The following GPC5 variants were observed in gnomAD, a reference collection of about 807,000 sequenced individuals.
The protein encoded by GPC5 is glypican 5, also known as glypican-5.
Under a neutral mutation model 53.9 loss-of-function variants are expected in GPC5, and 47 were observed. That is an observed-to-expected ratio of 0.87 (90% CI 0.69 to 1.11). GPC5 has a LOEUF of 1.11. Among genes scored for constraint, GPC5 ranks in the 50% most tolerant of loss-of-function variants. The probability of loss-of-function intolerance (pLI) is 0.00; values close to 1 mark genes in which losing one functional copy is unlikely to be tolerated. For missense variants in GPC5, 748 were observed against 713.1 expected, an observed-to-expected ratio of 1.05 and a Z score of -0.56; for synonymous variants, 286 against 263.3, an observed-to-expected ratio of 1.09 and a Z score of -0.84.
chr13:92,287,569 G>T (rs2139178748), intron 7 of GPC5, among the ~76,000 whole-genome samples: 2 of 152,108 alleles, frequency 1.3e-5, no homozygotes, highest in Admixed American at 1.3e-4. Flanking sequence ...GTTTTATCTT[G>T]ATGAATCAGT....
At chr13:91,826,111 A>C (rs1566287925) in intron 5 of GPC5, among the ~76,000 whole-genome samples, 1 of 151,900 alleles carries the variant, frequency 6.6e-6, no homozygotes, top group Non-Finnish European at 1.5e-5. Context: ...GTTGAAAATA[A>C]TAAAAAATAT....
intron 7 of GPC5, among the ~76,000 whole-genome samples, chr13:92,371,308 G>T (rs1362303896): frequency 6.6e-6 from 1 of 152,120 alleles, no homozygotes; most frequent in East Asian, 1.9e-4. Flanking sequence ...TTTATCCTCT[G>T]CTGTTATTTC....
intron 7 of GPC5, among the ~76,000 whole-genome samples, chr13:92,548,988 A>C (rs896732422): frequency 1.3e-5 from 2 of 152,186 alleles, no homozygotes; most frequent in Admixed American, 1.3e-4. Flanking sequence ...TTTAGAGATA[A>C]GCATTTAGAA....
At chr13:92,842,655 G>GTTTTTTTTT (rs11331842) in intron 7 of GPC5, among the ~76,000 whole-genome samples, 1 of 140,666 alleles carries the variant, frequency 7.1e-6, no homozygotes, top group Non-Finnish European at 1.6e-5. Context: ...ATACATAATT[G>GTTTTTTTTT]TTTTTTTTTT....
At chr13:91,774,539 G>A (rs781571890) in intron 5 of GPC5, among the ~76,000 whole-genome samples, 3 of 152,202 alleles carry the variant, frequency 2.0e-5, no homozygotes, top group East Asian at 3.9e-4. Flanking sequence ...AGAAGCAGCC[G>A]GAAATCAGTC....
chr13:91,526,429 A>G (rs573682997), intron 2 of GPC5, among the ~76,000 whole-genome samples: 1 of 152,222 alleles, frequency 6.6e-6, no homozygotes, highest in East Asian at 1.9e-4. Context: ...GCAGAGAAGG[A>G]AGCACTTATT....
chr13:92,510,693 C>A (rs1185290356), intron 7 of GPC5, among the ~76,000 whole-genome samples: 1 of 152,162 alleles, frequency 6.6e-6, no homozygotes, highest in African/African-American at 2.4e-5. Context: ...TTAGATGGAG[C>A]CACGTGGCTC....
chr13:92,820,224 C>T (rs1877628535), intron 7 of GPC5, among the ~76,000 whole-genome samples: 1 of 152,182 alleles, frequency 6.6e-6, no homozygotes, highest in Non-Finnish European at 1.5e-5. Flanking sequence ...TCTCTCTTAA[C>T]TCTTTGTCAG....
intron 2 of GPC5, among the ~76,000 whole-genome samples, chr13:91,532,513 C>T (rs545256327): frequency 6.6e-6 from 1 of 152,120 alleles, no homozygotes; most frequent in East Asian, 1.9e-4. Flanking sequence ...CTTTGAATGT[C>T]TTATGAACTA....
At chr13:92,537,743 T>C (rs1295471041) in intron 7 of GPC5, among the ~76,000 whole-genome samples, 1 of 152,106 alleles carries the variant, frequency 6.6e-6, no homozygotes, top group Non-Finnish European at 1.5e-5. Flanking sequence ...ACATACCAAG[T>C]GAGAAGCTCA....
intron 6 of GPC5, among the ~76,000 whole-genome samples, chr13:92,068,594 A>G (rs1275277742): frequency 6.6e-6 from 1 of 151,458 alleles, no homozygotes; most frequent in Admixed American, 6.6e-5. Context: ...TATTAATTAT[A>G]ATATTTTTGT....
chr13:92,178,942 G>A (rs550035644), intron 7 of GPC5, among the ~76,000 whole-genome samples: 3 of 152,304 alleles, frequency 2.0e-5, no homozygotes, highest in South Asian at 4.1e-4. Flanking sequence ...CTGTACTCCA[G>A]ACTGGGTGAC....
At chr13:92,512,634 C>G (rs1880615936) in intron 7 of GPC5, among the ~76,000 whole-genome samples, 1 of 152,056 alleles carries the variant, frequency 6.6e-6, no homozygotes, top group Non-Finnish European at 1.5e-5. Context: ...ATGCCAATAT[C>G]CAGTTAGCTC....
rs532034211 is a variant in GPC5 at position 92,154,949 on chromosome 13, A to T, written c.1561+9960A>T. ...TGCCCTTACGCATTATGATTACTAA[A>T]ATTAGCTAAACATTTTTGTATGTAT... On this transcript the variant is annotated intron_variant, in intron 7 of 7. Coordinates refer to ENST00000377067, the MANE Select transcript of GPC5 (RefSeq NM_004466.6). Among the ~76,000 whole-genome samples, 6 of 152,312 alleles carry T rather than the reference A, an allele frequency of 3.9e-5. No individual in the cohort carries two copies. In the East Asian group the frequency reaches 1.2e-3, roughly 29 times the overall value.
At chr13:92,455,511 A>G (rs1420700168) in intron 7 of GPC5, among the ~76,000 whole-genome samples, 1 of 152,206 alleles carries the variant, frequency 6.6e-6, no homozygotes, top group African/African-American at 2.4e-5. Context: ...AGCGATATCC[A>G]TGTAACACAA....
intron 7 of GPC5, among the ~76,000 whole-genome samples, chr13:92,396,479 A>ATTTTGT (rs1007111466): frequency 2.0e-5 from 3 of 149,144 alleles, no homozygotes; most frequent in African/African-American, 7.4e-5. Flanking sequence ...TCTCAATCTG[A>ATTTTGT]TTTTGTTTTT....
chr13:92,311,515 G>A (rs1341507643), intron 7 of GPC5, among the ~76,000 whole-genome samples: 1 of 152,126 alleles, frequency 6.6e-6, no homozygotes, highest in Non-Finnish European at 1.5e-5. Context: ...CCCAAGACTG[G>A]GTAATTTATA....
chr13:92,629,244 G>A (rs994483603), intron 7 of GPC5, among the ~76,000 whole-genome samples: 20 of 152,276 alleles, frequency 1.3e-4, no homozygotes, highest in African/African-American at 4.3e-4. Context: ...GCAACCTATA[G>A]TAGCAATAGA....
At chr13:91,444,622 C>A (rs1046815432) in intron 1 of GPC5, among the ~76,000 whole-genome samples, 1 of 152,064 alleles carries the variant, frequency 6.6e-6, no homozygotes, top group East Asian at 1.9e-4. Flanking sequence ...GATTTATTTT[C>A]CTTTGCACTT....
Sources: gnomAD v4.1 joint callset for allele counts (sites outside exome capture counted in the v4.1 genomes callset) on GRCh38, gnomAD v4.1.1 for gene constraint, MANE v1.5 for transcripts, NCBI Gene and HGNC (gene_info 2026-07-23, HGNC 2026-07-21) for gene names.